Variants in NETO2 observed in about 807,000 individuals in gnomAD.
The protein encoded by NETO2 is neuropilin and tolloid like 2.
A neutral mutation model predicts 62.5 loss-of-function variants in NETO2; 28 were observed. The observed-to-expected ratio is 0.45, with a 90% CI of 0.33 to 0.61. The LOEUF is 0.61. NETO2 is among the 20% of genes least tolerant of loss of function. The probability of loss-of-function intolerance (pLI) is 0.02; values close to 1 mark genes in which losing one functional copy is unlikely to be tolerated. For missense variants in NETO2, 548 were observed against 643.2 expected (o/e 0.85, Z 1.60); for synonymous variants, 214 against 219.1 (o/e 0.98, Z 0.21).
chr16:47,083,811 GA>G lies in NETO2; in HGVS notation c.998-11del. 6.5e-7 allele frequency: 1 copy of G among 1,547,290 alleles called. No homozygotes were observed. The highest frequency in any genetic ancestry group is 8.8e-7 in the Non-Finnish European group (1 of 1,141,054). On this transcript the variant is annotated splice_polypyrimidine_tract_variant and intron_variant, in intron 8 of 8. Coordinates refer to ENST00000562435, the MANE Select transcript of NETO2 (RefSeq NM_018092.5). ...CCTGCTTTTTTCTTTTCTGCAGAAA[GA>G]AAATGAGAAACGTTAAGTTTTCAAA...
At chr16:47,085,967 G>A (rs535353477) in intron 8 of NETO2, among the ~76,000 whole-genome samples, 2 of 151,932 alleles carry the variant, frequency 1.3e-5, no homozygotes, top group Admixed American at 6.5e-5. Context: ...TTAGCCGGGC[G>A]TGGTGGCAGG....
intron 1 of NETO2, among the ~76,000 whole-genome samples, chr16:47,141,818 T>C (rs1964465727): frequency 6.6e-6 from 1 of 152,206 alleles, no homozygotes; most frequent in Admixed American, 6.5e-5. Context: ...CCAGAATCCT[T>C]TCCTGAAAGG....
At chr16:47,115,486 A>C (rs1160812831) in intron 6 of NETO2, among the ~76,000 whole-genome samples, 1 of 150,844 alleles carries the variant, frequency 6.6e-6, no homozygotes, top group Non-Finnish European at 1.5e-5. Flanking sequence ...TGTTTTCTTA[A>C]TTTTGAACTA....
chr16:47,094,167 T>C (rs934011179), intron 7 of NETO2, among the ~76,000 whole-genome samples: 10 of 152,034 alleles, frequency 6.6e-5, no homozygotes, highest in African/African-American at 2.2e-4. Flanking sequence ...TGATGGTATT[T>C]TGGAAAGCAG....
Position 47,122,699 on chromosome 16 carries a change from G to A in NETO2, c.612C>T (p.Ala204=). 3 of 1,614,004 alleles carry A rather than the reference G, an allele frequency of 1.9e-6. No homozygotes were observed. The highest frequency in any genetic ancestry group is 1.1e-5 in the South Asian group (1 of 91,066). The change falls in exon 6 of 9, where the codon GCC becomes GCT. Residue 204 remains alanine, a synonymous_variant. Coordinates refer to ENST00000562435, the MANE Select transcript of NETO2 (RefSeq NM_018092.5). Reference sequence around the variant, plus strand: ...CTTTAATGGTCCAGATGCAATCAACGGCTTGGCCTGGTTTTGTTTTCTCCT... The same window carrying A: ...CTTTAATGGTCCAGATGCAATCAACAGCTTGGCCTGGTTTTGTTTTCTCCT... ...EQEEKTKPGQ[A]VDCIWTIKAT...
chr16:47,084,912 A>T (rs1963151153), intron 8 of NETO2, among the ~76,000 whole-genome samples: 1 of 152,230 alleles, frequency 6.6e-6, no homozygotes, highest in Non-Finnish European at 1.5e-5. Flanking sequence ...TAATAATAAT[A>T]AAGTGCCCAA....
chr16:47,115,732 C>CATATATATACATATAT (rs1390345855), intron 6 of NETO2, among the ~76,000 whole-genome samples: 1 of 134,492 alleles, frequency 7.4e-6, no homozygotes, highest in African/African-American at 3.2e-5. Flanking sequence ...TATATATATA[C>CATATATATACATATAT]ATGTATATAT....
At chr16:47,111,804 A>G (rs1394938007) in intron 6 of NETO2, among the ~76,000 whole-genome samples, 2 of 152,180 alleles carry the variant, frequency 1.3e-5, no homozygotes, top group South Asian at 2.1e-4. Flanking sequence ...GCCAACACTA[A>G]TTAGATCATC....
intron 7 of NETO2, among the ~76,000 whole-genome samples, chr16:47,092,150 T>C (rs1158582386): frequency 1.3e-5 from 2 of 151,216 alleles, no homozygotes; most frequent in African/African-American, 4.9e-5. Context: ...GTCCAGTCCA[T>C]GCCCATTTGC....
At chr16:47,088,978 T>A (rs543052909) in intron 7 of NETO2, among the ~76,000 whole-genome samples, 1 of 152,150 alleles carries the variant, frequency 6.6e-6, no homozygotes. Flanking sequence ...GTGACCATAA[T>A]CTCTCTTTAA....
intron 6 of NETO2, among the ~76,000 whole-genome samples, chr16:47,120,121 AC>A (rs1964007039): frequency 6.6e-6 from 1 of 152,210 alleles, no homozygotes; most frequent in South Asian, 2.1e-4. Flanking sequence ...ACAATCAACA[AC>A]CTGTTTTGTG....
At chr16:47,088,808 G>T (rs16952174) in intron 7 of NETO2, among the ~76,000 whole-genome samples, 21,459 of 152,160 alleles carry the variant, frequency 0.14, 3,475 homozygotes, top group African/African-American at 0.4. Context: ...AAACTGACAT[G>T]TTTTCATTCA....
At position 47,096,311 on chromosome 16, in the gene NETO2, T is replaced by C. The variant is rs188541652; in HGVS notation, c.884-9972A>G. 5.1e-4 allele frequency among the ~76,000 whole-genome samples: 77 copies of C among 151,988 alleles called. 1 individual carries two copies. In the South Asian group the frequency reaches 0.015, roughly 30 times the overall value. On this transcript the variant is annotated intron_variant, in intron 7 of 8. Transcript: ENST00000562435. ...GCAGAAGTAACAAAATAATAAAGAT[T>C]TGAGTGACAATAAATAAAATAGAAA...
intron 8 of NETO2, among the ~76,000 whole-genome samples, chr16:47,084,427 C>A (rs1052155513): frequency 6.6e-6 from 1 of 152,150 alleles, no homozygotes; most frequent in Non-Finnish European, 1.5e-5. Context: ...TGCGAGTGAG[C>A]GAGTGAAGCT....
intron 1 of NETO2, among the ~76,000 whole-genome samples, chr16:47,132,823 GA>G (rs1417078405): frequency 6.6e-6 from 1 of 152,200 alleles, no homozygotes; most frequent in Non-Finnish European, 1.5e-5. Flanking sequence ...TGTGGAGAGA[GA>G]AATCGAGCAA....
chr16:47,110,793 A>G (rs1172936922), intron 6 of NETO2, among the ~76,000 whole-genome samples: 1 of 152,084 alleles, frequency 6.6e-6, no homozygotes, highest in Non-Finnish European at 1.5e-5. Flanking sequence ...CAAAAATGTC[A>G]TGTCATATAT....
At chr16:47,128,862 G>A (rs184100003) in intron 3 of NETO2, among the ~76,000 whole-genome samples, 3 of 152,182 alleles carry the variant, frequency 2.0e-5, no homozygotes, top group East Asian at 3.9e-4. Flanking sequence ...AAGATACAAC[G>A]TACCACAATA....
intron 7 of NETO2, among the ~76,000 whole-genome samples, chr16:47,093,064 C>T (rs533330250): frequency 6.6e-6 from 1 of 152,326 alleles, no homozygotes; most frequent in South Asian, 2.1e-4. Context: ...AACTCATATC[C>T]ATGCCCCAGC....
At chr16:47,124,962 T>C (rs1964125827) in intron 4 of NETO2, among the ~76,000 whole-genome samples, 1 of 152,228 alleles carries the variant, frequency 6.6e-6, no homozygotes, top group Non-Finnish European at 1.5e-5. Context: ...AAAGTTGCTC[T>C]CATGATCTAT....
Sources: allele counts gnomAD v4.1 joint callset (sites outside exome capture counted in the v4.1 genomes callset), GRCh38; gene constraint gnomAD v4.1.1; transcripts MANE v1.5; gene names NCBI Gene and HGNC (gene_info 2026-07-23, HGNC 2026-07-21).